Variants in RHBDD3 observed in about 807,000 individuals in gnomAD.
RHBDD3 encodes rhomboid domain-containing protein 3.
RHBDD3 carries 34 observed loss-of-function variants against 32.3 expected under a neutral mutation model. That is an observed-to-expected ratio of 1.05 (90% CI 0.80 to 1.40). The LOEUF is 1.40. RHBDD3 is among the 40% of genes most tolerant of loss of function. The probability of loss-of-function intolerance (pLI) is 0.00; values close to 1 mark genes in which losing one functional copy is unlikely to be tolerated. For synonymous variants in RHBDD3, 249 were observed against 239.1 expected, an observed-to-expected ratio of 1.04 and a Z score of -0.38; for missense variants, 482 against 492.6, an observed-to-expected ratio of 0.98 and a Z score of 0.20.
chr22:29,262,899 G>A (rs1289670876), intron 4 of RHBDD3, among the ~76,000 whole-genome samples: 4 of 151,842 alleles, frequency 2.6e-5, no homozygotes, highest in South Asian at 2.1e-4. Flanking sequence ...GTTTGAGACC[G>A]GAGTCTCACC....
chr22:29,261,677 C>T (rs889335139), intron 4 of RHBDD3, among the ~76,000 whole-genome samples: 1 of 152,118 alleles, frequency 6.6e-6, no homozygotes, highest in African/African-American at 2.4e-5. Flanking sequence ...ATTTTTGAGA[C>T]AGAGTCTCAC....
intron 2 of RHBDD3, 61 bp from the exon 3 acceptor site, chr22:29,265,729 C>T (rs2146525063): frequency 7.1e-7 from 1 of 1,414,600 alleles, no homozygotes; most frequent in East Asian, 2.9e-5. Flanking sequence ...CCAATACCCT[C>T]TCAAGCACCT....
At position 29,267,881 on chromosome 22, in the gene RHBDD3, G is replaced by C. The variant is rs572852080; in HGVS notation, c.-328C>G. ...CCCGGCCGCGTGACCCCTGCCGACC[G>C]GCTGGCGCGCCACCCATTCCCCGCG... On this transcript the variant is annotated 5_prime_UTR_variant, in exon 1 of 7. Transcript: ENST00000216085. 3 of 228,394 alleles carry C rather than the reference G, an allele frequency of 1.3e-5. No homozygotes were observed. Among genetic ancestry groups the C allele is most frequent in the African/African-American group, 2.2e-5 (1 of 44,778 alleles). 14.1% of individuals were successfully genotyped at this position (228,394 alleles called of 1,614,324 possible). A position where few individuals can be genotyped will look rare whatever the true frequency, so the allele number is the denominator to read the frequency against.
rs764760148 is a variant in RHBDD3, at chr22:29,260,874, C to CG, written c.533-11dup. On this transcript the variant is annotated splice_polypyrimidine_tract_variant and intron_variant, in intron 4 of 6. Transcript: ENST00000216085. ...AAGGCCCCAGCTGCATCTGTCTGCC[C>CG]GGGGCAGGGCGGCCGGTCAAGGAAA... 1.9e-6 allele frequency: 3 copies of CG among 1,549,532 alleles called. No homozygotes were observed. The Admixed American group carries it at 5.9e-5, about 31-fold the overall frequency.
intron 2 of RHBDD3, among the ~76,000 whole-genome samples, chr22:29,266,815 C>A (rs1038945635): frequency 2.0e-5 from 3 of 152,260 alleles, no homozygotes; most frequent in African/African-American, 7.2e-5. Context: ...TTCTCCACAT[C>A]TACCAGTTTC....
rs745866373 is a variant in RHBDD3 at position 29,264,245 on chromosome 22, C to T, written c.149-27G>A. The T allele has an allele frequency of 3.3e-6, 5 of 1,500,606 alleles. No homozygotes were observed. The South Asian group carries it at 5.5e-5, about 16-fold the overall frequency. The allele number at this position is 1,500,606 out of a possible 1,614,324, so 93.0% of individuals were successfully genotyped here. ...TGGGAGAGAGAAGGGGCTTATGTGC[C>T]AGGTTAGTGGCCCCAACATCCAAGG... On this transcript the variant is annotated intron_variant, in intron 3 of 6. Transcript: ENST00000216085.
At position 29,261,383 on chromosome 22, in the gene RHBDD3, G is replaced by A. The variant is rs748854525; in HGVS notation, c.533-519C>T. The A allele has an allele frequency of 1.1e-4, 49 of 460,908 alleles. 1 individual carries two copies. Among genetic ancestry groups the A allele is most frequent in the South Asian group, 7.6e-4 (49 of 64,534 alleles). The allele number at this position is 460,908 out of a possible 1,614,324, so 28.6% of individuals were successfully genotyped here. A position where few individuals can be genotyped will look rare whatever the true frequency, so the allele number is the denominator to read the frequency against. On this transcript the variant is annotated intron_variant, in intron 4 of 6. Transcript: ENST00000216085. ...AGGCTGAGACGGGAGGATCACTTGA[G>A]GCCAGGAGTTCAAGACCAGCCTGGG...
In RHBDD3 at chr22:29,264,114, C is replaced by T. The variant is rs1233885967; in HGVS notation, c.253G>A (p.Gly85Ser). The change falls in exon 4 of 7, where the codon GGC becomes AGC. Residue 85 changes from glycine (G) to serine (S), a missense_variant. Physicochemically the swap from Gly to Ser is moderately conservative, Grantham distance 56. Coordinates refer to ENST00000216085, the MANE Select transcript of RHBDD3 (RefSeq NM_012265.3). ...GAGGCATGCAGGAATCTCAGCGTGC[C>T]CAGGTGGCACTCCTGCTGCCAGCCC... ...TVGWQQECHL[G>S]TLRFLHASAL... is the part of the protein sequence containing the mutation. The T allele has an allele frequency of 3.2e-6, 5 of 1,585,686 alleles. No individual in the cohort carries two copies. In the Admixed American group the frequency reaches 5.4e-5, roughly 17 times the overall value.
At position 29,264,033 on chromosome 22, in the gene RHBDD3, GC is replaced by G; in HGVS notation, c.333del (p.Leu112CysfsTer44). On this transcript the variant is annotated frameshift_variant, in exon 4 of 7. Coordinates refer to ENST00000216085, the MANE Select transcript of RHBDD3 (RefSeq NM_012265.3). LOFTEE classifies it high-confidence loss of function. ...CCACAGCTGCCGGCTGCACTGGACAGCCCAAGGCCTGCCAGCAGCACTGCCA... is the reference window on the plus strand; with the variant it reads ...CCACAGCTGCCGGCTGCACTGGACAGCCAAGGCCTGCCAGCAGCACTGCCA... ...GLLAVLLAGL[G>X]LSSAAGSCGY... 6.4e-7 allele frequency: 1 copy of G among 1,561,952 alleles called. No individual in the cohort carries two copies. The highest frequency in any genetic ancestry group is 1.3e-5 in the African/African-American group (1 of 74,168).
chr22:29,263,133 C>G (rs888001662), intron 4 of RHBDD3, among the ~76,000 whole-genome samples: 7 of 152,372 alleles, frequency 4.6e-5, no homozygotes, highest in African/African-American at 1.4e-4. Flanking sequence ...CAGCCTCTGC[C>G]TCACAGGTTC....
Position 29,263,923 on chromosome 22 carries a change from C to T in RHBDD3, c.444G>A (p.Ser148=), listed in dbSNP as rs571216095. The change falls in exon 4 of 7, where the codon TCG becomes TCA. Residue 148 remains serine, a synonymous_variant. Transcript: ENST00000216085. ...GGGTCAGGGCAAGCAGCAGCCACGG[C>T]GACAGCCACGGTGGCAGTGCCCCAC... The part of the protein sequence containing the change: ...RPRGALPPWL[S]PWLLLALTPL... The T allele has an allele frequency of 1.4e-5, 21 of 1,549,730 alleles. No homozygotes were observed. In the South Asian group the frequency reaches 1.9e-4, roughly 14 times the overall value.
rs903647093 is a variant in RHBDD3 at position 29,265,644 on chromosome 22, T to TG, written c.-19_-18insC. 6.4e-7 allele frequency: 1 copy of TG among 1,571,446 alleles called. No individual in the cohort carries two copies. The highest frequency in any genetic ancestry group is 8.6e-7 in the Non-Finnish European group (1 of 1,165,134). On this transcript the variant is annotated 5_prime_UTR_variant, in exon 3 of 7. Coordinates refer to ENST00000216085, the MANE Select transcript of RHBDD3 (RefSeq NM_012265.3). ...GCATGCATCGCTTGGTTGAGGACGGTCAAGGGTGGTCCTGGGGCTGTGTGC... is the reference window on the plus strand; with the variant it reads ...GCATGCATCGCTTGGTTGAGGACGGTGCAAGGGTGGTCCTGGGGCTGTGTGC...
At chr22:29,264,838 C>T (rs1344992356) in intron 3 of RHBDD3, among the ~76,000 whole-genome samples, 4 of 152,078 alleles carry the variant, frequency 2.6e-5, no homozygotes, top group Admixed American at 2.0e-4. Flanking sequence ...AGTGCAGTGG[C>T]GCGATCTTGG....
Position 29,260,244 on chromosome 22 carries a change from G to A in RHBDD3, c.984-7C>T, listed in dbSNP as rs1211759505. The stretch of plus-strand genomic sequence containing the variant: ...GCGCTCCAGCTGCTGCAGCCTGTTG[G>A]GGGTGGGGGGAGAAGTGGGGAGTGT... On this transcript the variant is annotated splice_polypyrimidine_tract_variant and splice_region_variant and intron_variant, in intron 6 of 6. Transcript: ENST00000216085. 6.2e-7 allele frequency: 1 copy of A among 1,601,832 alleles called. No homozygotes were observed. Among genetic ancestry groups the A allele is most frequent in the Non-Finnish European group, 8.5e-7 (1 of 1,175,046 alleles).
intron 2 of RHBDD3, among the ~76,000 whole-genome samples, 153 bp from the exon 3 acceptor site, chr22:29,265,821 T>G (rs1316454270): frequency 1.3e-5 from 2 of 152,176 alleles, no homozygotes; most frequent in African/African-American, 4.8e-5. Context: ...GCTCAGACCC[T>G]AACCCATGCG....
chr22:29,260,867 G>C lies in RHBDD3; in HGVS notation c.533-3C>G. On this transcript the variant is annotated splice_polypyrimidine_tract_variant and splice_region_variant and intron_variant, in intron 4 of 6. Transcript: ENST00000216085. ...CCACCGGAAGGCCCCAGCTGCATCTGTCTGCCCGGGGCAGGGCGGCCGGTC... is the reference window on the plus strand; with the variant it reads ...CCACCGGAAGGCCCCAGCTGCATCTCTCTGCCCGGGGCAGGGCGGCCGGTC... The C allele has an allele frequency of 6.3e-7, 1 of 1,575,944 alleles. No individual in the cohort carries two copies. The highest frequency in any genetic ancestry group is 8.6e-7 in the Non-Finnish European group (1 of 1,164,730).
intron 3 of RHBDD3, 167 bp from the exon 4 acceptor site, chr22:29,264,385 G>A: frequency 2.1e-6 from 3 of 1,425,668 alleles, no homozygotes; most frequent in East Asian, 5.2e-5. Context: ...TTGGTGGAAG[G>A]GACCAAGGAC....
At position 29,260,018 on chromosome 22, in the gene RHBDD3, T is replaced by G; in HGVS notation, c.*42A>C. 1 of 1,541,142 alleles carries G rather than the reference T, an allele frequency of 6.5e-7. No homozygotes were observed. Among genetic ancestry groups the G allele is most frequent in the East Asian group, 2.4e-5 (1 of 40,872 alleles). ...GGGCTACCCACATGCAGCCCAGCCC[T>G]TAGCACCCAAGGGCCTGCCTGTGCC... On this transcript the variant is annotated 3_prime_UTR_variant, in exon 7 of 7. Coordinates refer to ENST00000216085, the MANE Select transcript of RHBDD3 (RefSeq NM_012265.3).
chr22:29,262,115 CTTGA>C (rs1204703666), intron 4 of RHBDD3: 9 of 145,454 alleles, frequency 6.2e-5, no homozygotes, highest in African/African-American at 2.3e-4. Flanking sequence ...ACCACAATAT[CTTGA>C]TTATTATAAT....
Sources: gnomAD v4.1 joint callset for allele counts (sites outside exome capture counted in the v4.1 genomes callset) on GRCh38, gnomAD v4.1.1 for gene constraint, MANE v1.5 for transcripts, NCBI Gene and HGNC (gene_info 2026-07-23, HGNC 2026-07-21) for gene names.